MRPS18B: variants seen among roughly 807,000 people sequenced by gnomAD.
MRPS18B encodes mitochondrial ribosomal protein S18B, also known as small ribosomal subunit protein mS40.
A neutral mutation model predicts 28.4 loss-of-function variants in MRPS18B; 27 were observed. The observed-to-expected ratio is 0.95, with a 90% CI of 0.70 to 1.31. The LOEUF (loss-of-function observed/expected upper bound fraction) is 1.31. Among genes scored for constraint, MRPS18B ranks in the 40% most tolerant of loss-of-function variants. The probability of loss-of-function intolerance (pLI) is 0.00; values close to 1 mark genes in which losing one functional copy is unlikely to be tolerated. For synonymous variants in MRPS18B, 118 were observed against 123.7 expected, an observed-to-expected ratio of 0.95 and a Z score of 0.30; for missense variants, 343 against 335.9, an observed-to-expected ratio of 1.02 and a Z score of -0.17.
Position 30,617,913 on chromosome 6 carries a change from ATC to A in MRPS18B, c.54_55del (p.Phe19ProfsTer20), listed in dbSNP as rs750574131. The A allele has an allele frequency of 1.2e-6, 2 of 1,614,166 alleles. No individual in the cohort carries two copies. The highest frequency in any genetic ancestry group is 1.7e-6 in the Non-Finnish European group (2 of 1,180,032). On this transcript the variant is annotated frameshift_variant, in exon 1 of 7. Coordinates refer to ENST00000259873, the MANE Select transcript of MRPS18B (RefSeq NM_014046.4). LOFTEE classifies it high-confidence loss of function. ...NTVLRRLPML[S>X]LFRGSHRVQV... ...CCGTGCTGAGGCGGCTTCCTATGCT[ATC>A]TCTCTTCCGAGGTTCTCACAGAGTT...
intron 5 of MRPS18B, among the ~76,000 whole-genome samples, chr6:30,623,575 CAG>C (rs749167777): frequency 1.5e-4 from 23 of 152,156 alleles, no homozygotes; most frequent in Non-Finnish European, 2.9e-4. Context: ...ACTACAGTCA[CAG>C]GGCAAATCTG....
At chr6:30,622,561 CAAAA>C (rs554297101) in intron 4 of MRPS18B, among the ~76,000 whole-genome samples, 5 of 28,590 alleles carry the variant, frequency 1.7e-4, no homozygotes, top group Non-Finnish European at 4.4e-4. Flanking sequence ...GACTCTGTCT[CAAAA>C]AAAAAAAAAA....
intron 6 of MRPS18B, 80 bp from the exon 7 acceptor site, chr6:30,625,422 C>T: frequency 1.5e-6 from 2 of 1,371,108 alleles, no homozygotes; most frequent in Non-Finnish European, 2.0e-6. Flanking sequence ...TGGTCCTTCC[C>T]TTTATAATCC....
At chr6:30,621,373 G>T (rs766364302) in intron 4 of MRPS18B, among the ~76,000 whole-genome samples, 1 of 152,226 alleles carries the variant, frequency 6.6e-6, no homozygotes, top group Non-Finnish European at 1.5e-5. Context: ...CTGCACTCCA[G>T]CCTGGGCGAA....
At position 30,619,483 on chromosome 6, in the gene MRPS18B, T is replaced by G. The variant is rs2127463237; in HGVS notation, c.79-10T>G. 1 of 1,604,022 alleles carries G rather than the reference T, an allele frequency of 6.2e-7. No homozygotes were observed. The highest frequency in any genetic ancestry group is 8.5e-7 in the Non-Finnish European group (1 of 1,173,346). On this transcript the variant is annotated splice_polypyrimidine_tract_variant and intron_variant, in intron 1 of 6. Coordinates refer to ENST00000259873, the MANE Select transcript of MRPS18B (RefSeq NM_014046.4). ...AACTCATTCTTTTATTTTTTTCTTC[T>G]CCTTTGTAGGTTCCCCTCCAGACTC...
At chr6:30,621,789 C>A (rs904436309) in intron 4 of MRPS18B, among the ~76,000 whole-genome samples, 7 of 151,882 alleles carry the variant, frequency 4.6e-5, no homozygotes, top group Non-Finnish European at 8.8e-5. Context: ...ACTAAAAATA[C>A]AAAAAAAATT....
chr6:30,620,090 G>C (rs1761056218), intron 4 of MRPS18B, 101 bp downstream of exon 4: 2 of 1,097,768 alleles, frequency 1.8e-6, no homozygotes, highest in Non-Finnish European at 2.8e-6. Flanking sequence ...GGCCAAGGCA[G>C]GTGGATCATG....
chr6:30,618,262 G>A (rs1760873626), intron 1 of MRPS18B, among the ~76,000 whole-genome samples: 1 of 152,126 alleles, frequency 6.6e-6, no homozygotes, highest in South Asian at 2.1e-4. Context: ...AAGGGGCCAT[G>A]CTAATCTCTG....
At chr6:30,618,075 C>A (rs925061965) in intron 1 of MRPS18B, 132 bp downstream of exon 1, 8 of 844,034 alleles carry the variant, frequency 9.5e-6, no homozygotes, top group East Asian at 5.5e-5. Context: ...GTACTTCCTG[C>A]AACCCCCCCC....
chr6:30,625,888 C>T lies in MRPS18B; in HGVS notation c.*91C>T, dbSNP rs774164487. 3.7e-4 allele frequency: 518 copies of T among 1,388,308 alleles called. 2 individuals carry two copies. Among genetic ancestry groups the T allele is most frequent in the Admixed American group, 1.3e-3 (58 of 44,644 alleles). 86.0% of individuals were successfully genotyped at this position (1,388,308 alleles called of 1,614,324 possible). A position where few individuals can be genotyped will look rare whatever the true frequency, so the allele number is the denominator to read the frequency against. On this transcript the variant is annotated 3_prime_UTR_variant, in exon 7 of 7. Coordinates refer to ENST00000259873, the MANE Select transcript of MRPS18B (RefSeq NM_014046.4). ...AGCCAAGGTGGGCTGATCACTTGAT[C>T]CCAGGAGTTTGAGACCAGCCTGGGC...
chr6:30,622,728 G>C, intron 4 of MRPS18B, 104 bp from the exon 5 acceptor site: 1 of 1,026,486 alleles, frequency 9.7e-7, no homozygotes, highest in Non-Finnish European at 1.5e-6. Flanking sequence ...AGGGGTGAAG[G>C]TGGTCCATGT....
Position 30,619,719 on chromosome 6 carries a change from G to T in MRPS18B, c.198G>T (p.Glu66Asp), listed in dbSNP as rs571367463. 1 of 1,614,058 alleles carries T rather than the reference G, an allele frequency of 6.2e-7. No individual in the cohort carries two copies. The highest frequency in any genetic ancestry group is 1.3e-5 in the African/African-American group (1 of 75,060). The part of the protein sequence containing the change: ...WKYLESEEYQ[E>D]RYGSRPVWAD... ...GATCTTTCATTTCAGAATACCAGGA[G>T]CGATATGGTTCTCGCCCCGTCTGGG... The change falls in exon 3 of 7, where the codon GAG becomes GAT. Residue 66 changes from glutamate (E) to aspartate (D), a missense_variant. Glu to Asp is a conservative substitution (Grantham distance 45, BLOSUM62 2). Transcript: ENST00000259873.
Position 30,624,927 on chromosome 6 carries a change from A to G in MRPS18B, c.466A>G (p.Lys156Glu), listed in dbSNP as rs1456424808. Reference protein sequence around the residue: ...QHKRLTQAIQKARDHGLLIYH... With the variant: ...QHKRLTQAIQEARDHGLLIYH... ...CAAGCGGTTGACCCAGGCCATCCAG[A>G]AAGCCAGGGATCATGGTGAGCATGA... Residue 156 changes from lysine (K) to glutamate (E), a missense_variant, in exon 6 of 7, where the codon AAA becomes GAA. Physicochemically the swap from Lys to Glu is moderately conservative, Grantham distance 56. Transcript: ENST00000259873. 6.2e-7 allele frequency: 1 copy of G among 1,613,050 alleles called. No homozygotes were observed. The highest frequency in any genetic ancestry group is 1.1e-5 in the South Asian group (1 of 91,088).
rs1402688039 is a variant in MRPS18B at position 30,625,440 on chromosome 6, T to TA, written c.482-61dup. ...TCCTTCCCTTTATAATCCTTTTTCT[T>TA]ACTTCATCTAAACCACCCTCCTCAT... On this transcript the variant is annotated intron_variant, in intron 6 of 6. Transcript: ENST00000259873. 6.3e-6 allele frequency: 9 copies of TA among 1,424,946 alleles called. No homozygotes were observed. In the East Asian group the frequency reaches 1.6e-4, roughly 26 times the overall value. 88.3% of individuals were successfully genotyped at this position (1,424,946 alleles called of 1,614,324 possible). A position where few individuals can be genotyped will look rare whatever the true frequency, so the allele number is the denominator to read the frequency against.
chr6:30,625,062 C>G (rs1400849978), intron 6 of MRPS18B, 120 bp downstream of exon 6: 5 of 1,041,574 alleles, frequency 4.8e-6, no homozygotes, highest in Non-Finnish European at 5.8e-6. Flanking sequence ...CATGTTCTTC[C>G]TGACGTTACA....
Position 30,617,953 on chromosome 6 carries a change from C to T in MRPS18B, c.78+10C>T, listed in dbSNP as rs1458093122. ...TTCTCACAGAGTTCAGGTAACTCTT[C>T]GAAAGACATTTTGCACAACCTCAAG... On this transcript the variant is annotated intron_variant, in intron 1 of 6. Transcript: ENST00000259873. 7 of 1,613,978 alleles carry T rather than the reference C, an allele frequency of 4.3e-6. No homozygotes were observed. The East Asian group carries it at 6.7e-5, about 15-fold the overall frequency.
intron 4 of MRPS18B, among the ~76,000 whole-genome samples, chr6:30,621,107 T>C (rs1761129853): frequency 6.6e-6 from 1 of 152,174 alleles, no homozygotes; most frequent in African/African-American, 2.4e-5. Context: ...CTTAAAGAAT[T>C]TGAAAACATA....
chr6:30,626,063 C>A lies in MRPS18B; in HGVS notation c.*266C>A. The A allele has an allele frequency of 2.3e-6, 1 of 429,474 alleles. No individual in the cohort carries two copies. The highest frequency in any genetic ancestry group is 4.1e-6 in the Non-Finnish European group (1 of 242,274). The allele number at this position is 429,474 out of a possible 1,614,324, so 26.6% of individuals were successfully genotyped here. ...GCAGTGAGTTGCAGTCACACCCCTG[C>A]ACTCCAGCCTGGGTGACAGCTAGAC... On this transcript the variant is annotated 3_prime_UTR_variant, in exon 7 of 7. Coordinates refer to ENST00000259873, the MANE Select transcript of MRPS18B (RefSeq NM_014046.4).
chr6:30,620,933 T>C (rs1356918622), intron 4 of MRPS18B, among the ~76,000 whole-genome samples: 5 of 152,210 alleles, frequency 3.3e-5, no homozygotes, highest in African/African-American at 1.2e-4. Context: ...ATTACAGTTA[T>C]TACCAAATAT....
Sources: gnomAD v4.1 joint callset for allele counts (sites outside exome capture counted in the v4.1 genomes callset) on GRCh38, gnomAD v4.1.1 for gene constraint, MANE v1.5 for transcripts, NCBI Gene and HGNC (gene_info 2026-07-23, HGNC 2026-07-21) for gene names.